EYS: variants seen among roughly 807,000 people sequenced by gnomAD.
EYS encodes protein eyes shut homolog.
Under a neutral mutation model 282.1 loss-of-function variants are expected in EYS, and 250 were observed. That is an observed-to-expected ratio of 0.89 (90% CI 0.80 to 0.98). The LOEUF is 0.98. Among genes scored for constraint, EYS ranks in the 50% least tolerant of loss-of-function variants. EYS has a pLI of 0.00. For synonymous variants in EYS, 1,355 were observed against 1,282.9 expected, an observed-to-expected ratio of 1.06 and a Z score of -1.20; for missense variants, 4,016 against 3,709.0, an observed-to-expected ratio of 1.08 and a Z score of -2.15.
intron 2 of EYS, among the ~76,000 whole-genome samples, chr6:65,499,938 A>T (rs1766388968): frequency 6.6e-6 from 1 of 151,940 alleles, no homozygotes; most frequent in Non-Finnish European, 1.5e-5. Flanking sequence ...CCTGTGAGGT[A>T]CATAGTCATG....
chr6:64,279,981 T>C (rs1768248274), intron 30 of EYS, among the ~76,000 whole-genome samples: 2 of 152,160 alleles, frequency 1.3e-5, no homozygotes, highest in Admixed American at 6.5e-5. Flanking sequence ...CTCCAGAAAC[T>C]AGGGCATGAT....
chr6:64,606,194 G>A (rs1184586140), intron 24 of EYS, among the ~76,000 whole-genome samples: 1 of 151,934 alleles, frequency 6.6e-6, no homozygotes, highest in African/African-American at 2.4e-5. Context: ...GCTAAAATAT[G>A]TGTCATAAAG....
Position 63,721,465 on chromosome 6 carries a change from G to C in EYS, c.8566C>G (p.Gln2856Glu). 1 of 1,551,444 alleles carries C rather than the reference G, an allele frequency of 6.4e-7. No homozygotes were observed. The highest frequency in any genetic ancestry group is 2.4e-5 in the East Asian group (1 of 40,918). ...GCIRQVIINN[Q>E]ELQLTEFGAK... ...CCAAATTCAGTTAATTGTAATTCTT[G>C]ATTATTTATGATAACTTGTCGGATA... The change falls in exon 43 of 43, where the codon CAA (glutamine) becomes GAA (glutamate). Residue 2856 changes from glutamine (Q) to glutamate (E), a missense_variant. Gln to Glu is a conservative substitution (Grantham distance 29). Coordinates refer to ENST00000503581, the MANE Select transcript of EYS (RefSeq NM_001142800.2).
rs750291945 is a variant in EYS at position 65,353,583 on chromosome 6, C to T, written c.1334G>A (p.Cys445Tyr). ...TAGGTAAACATTCTTCAAAAACCAA[C>T]ATGGATTTTTTGTGCACCCTGGAAT... is the stretch of plus-strand genomic sequence containing the variant. The part of the protein sequence containing the change: ...VCIPGCTKNP[C>Y]WFLKNVYLIH... The change falls in exon 9 of 43, where the codon TGT becomes TAT. Residue 445 changes from cysteine to tyrosine, a missense_variant. Transcript: ENST00000503581. 5 of 1,612,940 alleles carry T rather than the reference C, an allele frequency of 3.1e-6. No individual in the cohort carries two copies. Among genetic ancestry groups the T allele is most frequent in the Non-Finnish European group, 4.2e-6 (5 of 1,179,358 alleles).
intron 14 of EYS, among the ~76,000 whole-genome samples, chr6:64,978,971 T>C (rs1463278181): frequency 6.6e-6 from 1 of 151,900 alleles, no homozygotes; most frequent in Non-Finnish European, 1.5e-5. Context: ...CTGGTGAAGA[T>C]GCTATGACCA....
At chr6:64,725,416 GTATCATA>G (rs1771720727) in intron 22 of EYS, among the ~76,000 whole-genome samples, 1 of 151,824 alleles carries the variant, frequency 6.6e-6, no homozygotes, top group South Asian at 2.1e-4. Flanking sequence ...ATCCCCCAAA[GTATCATA>G]TCTTATTGAC....
chr6:64,133,185 T>A (rs1019588012), intron 31 of EYS, among the ~76,000 whole-genome samples: 3 of 151,626 alleles, frequency 2.0e-5, no homozygotes, highest in Non-Finnish European at 4.4e-5. Flanking sequence ...TTCCTCATAT[T>A]AACTTATCCT....
intron 31 of EYS, among the ~76,000 whole-genome samples, chr6:64,093,186 G>A (rs370107946): frequency 0.041 from 6,216 of 151,804 alleles, 317 homozygotes; most frequent in African/African-American, 0.13. Flanking sequence ...GTCAGGTAGC[G>A]TGATGCCTCC....
chr6:65,442,412 G>C (rs888847037), intron 5 of EYS, among the ~76,000 whole-genome samples: 1 of 151,808 alleles, frequency 6.6e-6, no homozygotes, highest in African/African-American at 2.4e-5. Context: ...TTATGGTAAG[G>C]CAATTTTATT....
chr6:64,087,579 CT>C (rs1397979113), intron 31 of EYS, among the ~76,000 whole-genome samples: 1 of 152,064 alleles, frequency 6.6e-6, no homozygotes, highest in Non-Finnish European at 1.5e-5. Context: ...TTTGATCCCC[CT>C]ATGGCATGTC....
intron 26 of EYS, among the ~76,000 whole-genome samples, chr6:64,582,203 G>T (rs1034085383): frequency 1.3e-5 from 2 of 152,250 alleles, no homozygotes; most frequent in Admixed American, 6.5e-5. Context: ...GCCATGGATT[G>T]GTACCTGTCT....
chr6:63,726,543 CA>C lies in EYS; in HGVS notation c.8208del (p.Ala2737HisfsTer4). 1 of 1,550,684 alleles carries C rather than the reference CA, an allele frequency of 6.4e-7. No homozygotes were observed. Among genetic ancestry groups the C allele is most frequent in the Non-Finnish European group, 8.7e-7 (1 of 1,146,580 alleles). The stretch of plus-strand genomic sequence containing the variant: ...CCTGATTGGGCTTTTAAGTGTTGTG[CA>C]GCATAAAATAGGATACCATCTGCAG... Reference protein sequence around the residue: ...PLAADGILFYAAQHLKAQSGD... With the variant: ...PLAADGILFYXAQHLKAQSGD... On this transcript the variant is annotated frameshift_variant, in exon 42 of 43. Coordinates refer to ENST00000503581, the MANE Select transcript of EYS (RefSeq NM_001142800.2). LOFTEE classifies it low-confidence loss of function (END_TRUNC).
chr6:65,501,256 G>A (rs1329739568), intron 2 of EYS, among the ~76,000 whole-genome samples: 1 of 151,724 alleles, frequency 6.6e-6, no homozygotes, highest in Non-Finnish European at 1.5e-5. Context: ...GGAGAAGGGA[G>A]GTGTATGCAG....
chr6:65,180,718 T>C (rs1209773772), intron 12 of EYS, among the ~76,000 whole-genome samples: 1 of 152,082 alleles, frequency 6.6e-6, no homozygotes, highest in Non-Finnish European at 1.5e-5. Context: ...TTAAAGTTCA[T>C]ATGGAACCAA....
At chr6:64,366,006 CCTGAATTACTTTT>C (rs1182291549) in intron 29 of EYS, among the ~76,000 whole-genome samples, 1 of 151,912 alleles carries the variant, frequency 6.6e-6, no homozygotes, top group Non-Finnish European at 1.5e-5. Context: ...GATGTATGTG[CCTGAATTACTTTT>C]CATCTATACC....
intron 1 of EYS, among the ~76,000 whole-genome samples, chr6:65,699,290 C>T (rs528767489): frequency 6.6e-6 from 1 of 152,138 alleles, no homozygotes; most frequent in African/African-American, 2.4e-5. Context: ...TTCCTCTTTA[C>T]AAGTATTTTT....
intron 19 of EYS, among the ~76,000 whole-genome samples, chr6:64,876,869 C>T (rs1766765868): frequency 6.6e-6 from 1 of 152,062 alleles, no homozygotes; most frequent in Non-Finnish European, 1.5e-5. Context: ...CAGGATTTAG[C>T]AGACCAATGT....
chr6:65,638,212 G>A (rs777482124), intron 2 of EYS, among the ~76,000 whole-genome samples: 2 of 152,174 alleles, frequency 1.3e-5, no homozygotes, highest in Non-Finnish European at 2.9e-5. Context: ...TGATAAGGAT[G>A]ACCTGTCTGC....
intron 35 of EYS, among the ~76,000 whole-genome samples, chr6:63,872,591 A>G (rs1772841873): frequency 6.9e-6 from 1 of 144,066 alleles, no homozygotes; most frequent in African/African-American, 2.6e-5. Flanking sequence ...CAATTCTCCT[A>G]CTTCAGCCTC....
Sources: allele counts gnomAD v4.1 joint callset (sites outside exome capture counted in the v4.1 genomes callset), GRCh38; gene constraint gnomAD v4.1.1; transcripts MANE v1.5; gene names NCBI Gene and HGNC (gene_info 2026-07-23, HGNC 2026-07-21).